CACNA1A: variants seen among roughly 807,000 people sequenced by gnomAD.
CACNA1A encodes calcium voltage-gated channel subunit alpha1 A, also known as voltage-dependent P/Q-type calcium channel subunit alpha-1A.
Under a neutral mutation model 262.4 loss-of-function variants are expected in CACNA1A, and 57 were observed. The observed-to-expected ratio is 0.22, with a 90% CI of 0.18 to 0.27. The LOEUF is 0.27. CACNA1A is among the 10% of genes least tolerant of loss of function. CACNA1A has a pLI of 1.00. For missense variants in CACNA1A, 2,526 were observed against 3,562.8 expected (o/e 0.71, Z 7.41); for synonymous variants, 1,431 against 1,419.3 (o/e 1.01, Z -0.18).
At chr19:13,447,495 G>A (rs567032253) in intron 3 of CACNA1A, among the ~76,000 whole-genome samples, 4 of 152,274 alleles carry the variant, frequency 2.6e-5, no homozygotes, top group Admixed American at 2.6e-4. Flanking sequence ...TCTTCAGAGG[G>A]ACAAAACTAA....
At chr19:13,222,842 C>T (rs1399328434) in intron 38 of CACNA1A, among the ~76,000 whole-genome samples, 2 of 151,012 alleles carry the variant, frequency 1.3e-5, no homozygotes, top group African/African-American at 4.9e-5. Context: ...TTACAGGCGC[C>T]CACCATGACA....
At position 13,207,517 on chromosome 19, in the gene CACNA1A, G is replaced by T; in HGVS notation, c.7317C>A (p.Pro2439=). Residue 2439 remains proline (P), a synonymous_variant, in exon 47 of 47, where the codon CCC becomes CCA. Coordinates refer to ENST00000360228, the MANE Select transcript of CACNA1A (RefSeq NM_001127222.2). This position sits in a 1 kb window ranked among gnomAD's most constrained non-coding sequence, Gnocchi z 5.7. The stretch of plus-strand genomic sequence containing the variant: ...TGGCGCCCGAGGACGCGTGTCGTAC[G>T]GGGGGTGGCGCGTCGTAGGCCCCGG... ...AMAGAYDAPP[P]VRHASSGATG... is the part of the protein sequence containing the mutation. The T allele has an allele frequency of 7.0e-7, 1 of 1,431,528 alleles. No individual in the cohort carries two copies. Among genetic ancestry groups the T allele is most frequent in the Non-Finnish European group, 9.1e-7 (1 of 1,095,420 alleles). The allele number at this position is 1,431,528 out of a possible 1,614,324, so 88.7% of individuals were successfully genotyped here. A position where few individuals can be genotyped will look rare whatever the true frequency, so the allele number is the denominator to read the frequency against.
chr19:13,238,760 A>AT (rs1423231871), intron 31 of CACNA1A, among the ~76,000 whole-genome samples: 2 of 151,554 alleles, frequency 1.3e-5, no homozygotes, highest in African/African-American at 2.4e-5. Flanking sequence ...TAATTTTTGT[A>AT]TTTTTTAGGA....
At chr19:13,396,752 G>A (rs773803887) in intron 3 of CACNA1A, among the ~76,000 whole-genome samples, 4 of 152,202 alleles carry the variant, frequency 2.6e-5, no homozygotes, top group Non-Finnish European at 5.9e-5. Flanking sequence ...TGCCCTCTAG[G>A]TCAATGCTCC....
chr19:13,499,353 T>C (rs1359676433), intron 1 of CACNA1A, among the ~76,000 whole-genome samples: 2 of 148,154 alleles, frequency 1.3e-5, no homozygotes, highest in Non-Finnish European at 3.0e-5. Flanking sequence ...CCCTGAAAGC[T>C]TCCAGAGAGA....
At chr19:13,329,849 C>T (rs145715151) in intron 10 of CACNA1A, among the ~76,000 whole-genome samples, 63 of 151,632 alleles carry the variant, frequency 4.2e-4, no homozygotes, top group Non-Finnish European at 8.8e-4. Context: ...GCAGCCTCCA[C>T]TTCCCAGGCT....
At chr19:13,363,744 G>T (rs959942368) in intron 5 of CACNA1A, 2 of 152,092 alleles carry the variant, frequency 1.3e-5, no homozygotes, top group African/African-American at 4.8e-5. Flanking sequence ...CTGCCCACCT[G>T]GGTTCCCCTT....
chr19:13,410,540 CTTTTTT>C lies in CACNA1A; in HGVS notation c.540-38767_540-38762del, dbSNP rs113290275. The stretch of plus-strand genomic sequence containing the variant: ...CTTTTTTTTTTCTTTATTCTTTTTT[CTTTTTT>C]TTTTTTTTTTTAAGGGAAACAAACC... On this transcript the variant is annotated intron_variant, in intron 3 of 46. Coordinates refer to ENST00000360228, the MANE Select transcript of CACNA1A (RefSeq NM_001127222.2). 6.0e-4 allele frequency among the ~76,000 whole-genome samples: 73 copies of C among 120,778 alleles called. No homozygotes were observed. The South Asian group carries it at 0.013, about 21-fold the overall frequency. The allele number at this position is 120,778 out of a possible 152,430, so 79.2% of individuals were successfully genotyped here.
In CACNA1A at chr19:13,210,633, C is replaced by G; in HGVS notation, c.6323G>C (p.Arg2108Pro). Residue 2108 changes from arginine to proline, a missense_variant, in exon 44 of 47, where the codon CGT becomes CCT. Arg to Pro is a moderately radical substitution (Grantham distance 103, BLOSUM62 -2). Coordinates refer to ENST00000360228, the MANE Select transcript of CACNA1A (RefSeq NM_001127222.2). ...GGTACATACACTGAGGTTATTCCCACGTGGCCGGCCCCTTCTCCTCTGTCA... is the reference window on the plus strand; with the variant it reads ...GGTACATACACTGAGGTTATTCCCAGGTGGCCGGCCCCTTCTCCTCTGTCA... The part of the protein sequence containing the change: ...AENQRRRGRP[R>P]GNNLSTISDT... 1 of 1,564,986 alleles carries G rather than the reference C, an allele frequency of 6.4e-7. No homozygotes were observed. Among genetic ancestry groups the G allele is most frequent in the South Asian group, 1.2e-5 (1 of 84,798 alleles).
chr19:13,303,992 G>C, intron 15 of CACNA1A, 108 bp from the exon 16 acceptor site: 1 of 753,380 alleles, frequency 1.3e-6, no homozygotes, highest in Non-Finnish European at 2.3e-6. Flanking sequence ...GAGCCCAGGA[G>C]GTCTTTAACA....
intron 3 of CACNA1A, among the ~76,000 whole-genome samples, chr19:13,379,636 T>C (rs2144598301): frequency 6.6e-6 from 1 of 152,144 alleles, no homozygotes; most frequent in East Asian, 1.9e-4. Context: ...GTGTTAAAAG[T>C]GTTACAGGGC....
At chr19:13,495,052 C>T (rs1380896232) in intron 1 of CACNA1A, among the ~76,000 whole-genome samples, 1 of 152,144 alleles carries the variant, frequency 6.6e-6, no homozygotes, top group Non-Finnish European at 1.5e-5. Context: ...GCTATCCTAT[C>T]CACCAATGGA....
intron 4 of CACNA1A, chr19:13,365,824 T>C (rs941486241): frequency 5.8e-6 from 1 of 173,228 alleles, no homozygotes; most frequent in African/African-American, 2.4e-5. Flanking sequence ...TGCACCACCA[T>C]GCCTGGCTAA....
chr19:13,232,736 A>G (rs2055712797), intron 34 of CACNA1A, among the ~76,000 whole-genome samples: 1 of 140,880 alleles, frequency 7.1e-6, no homozygotes, highest in Non-Finnish European at 1.5e-5. Context: ...CTGTCTCAAA[A>G]AAAAGCAAAA....
chr19:13,285,244 A>G, intron 20 of CACNA1A, 38 bp from the exon 21 acceptor site: 1 of 1,611,764 alleles, frequency 6.2e-7, no homozygotes, highest in Non-Finnish European at 8.5e-7. Flanking sequence ...TCCCTCCACA[A>G]TTTCCCACAA....
Position 13,455,101 on chromosome 19 carries a change from A to G in CACNA1A, c.399+6T>C. 6.4e-7 allele frequency: 1 copy of G among 1,568,288 alleles called. No homozygotes were observed. Among genetic ancestry groups the G allele is most frequent in the Non-Finnish European group, 8.8e-7 (1 of 1,139,126 alleles). On this transcript the variant is annotated splice_donor_region_variant and intron_variant, in intron 2 of 46. Transcript: ENST00000360228. ...GGAGAAGACCCTGAGAAAAGACATC[A>G]CTCACCAGCCGTTCAGACATCGGGG...
At chr19:13,337,864 C>T (rs1031260841) in intron 6 of CACNA1A, among the ~76,000 whole-genome samples, 7 of 152,172 alleles carry the variant, frequency 4.6e-5, no homozygotes, top group African/African-American at 1.7e-4. Context: ...GCTACAAACC[C>T]ATACAGCATG....
chr19:13,396,217 G>T (rs1831504224), intron 3 of CACNA1A, among the ~76,000 whole-genome samples: 1 of 152,134 alleles, frequency 6.6e-6, no homozygotes, highest in Non-Finnish European at 1.5e-5. Context: ...AACACTCATT[G>T]GTTCATTTCA....
At chr19:13,210,831 G>C in intron 43 of CACNA1A, 179 bp from the exon 44 acceptor site, 2 of 691,492 alleles carry the variant, frequency 2.9e-6, no homozygotes, top group Non-Finnish European at 5.1e-6. Flanking sequence ...TTAAAGTCCT[G>C]GCGGGTGGGT....
Sources: gnomAD v4.1 joint callset for allele counts (sites outside exome capture counted in the v4.1 genomes callset) on GRCh38, gnomAD v4.1.1 for gene constraint, Gnocchi (gnomAD v3.1) non-coding constraint, MANE v1.5 for transcripts, NCBI Gene and HGNC (gene_info 2026-07-23, HGNC 2026-07-21) for gene names.